ONECUT3: variants seen among roughly 807,000 people sequenced by gnomAD.
ONECUT3 encodes the protein one cut homeobox 3.
Under a neutral mutation model 16.8 loss-of-function variants are expected in ONECUT3, and 11 were observed. The observed-to-expected ratio is 0.66, with a 90% CI of 0.41 to 1.09. ONECUT3 has a LOEUF of 1.09. ONECUT3 is among the 50% of genes least tolerant of loss of function. The pLI is 0.00. For synonymous variants in ONECUT3, 344 were observed against 310.7 expected, an observed-to-expected ratio of 1.11 and a Z score of -1.13; for missense variants, 637 against 629.9, an observed-to-expected ratio of 1.01 and a Z score of -0.12.
rs1167581275 is a variant in ONECUT3 at position 1,754,438 on chromosome 19, T to G, written c.776T>G (p.Leu259Arg). 1.2e-5 allele frequency: 12 copies of G among 1,004,906 alleles called. No homozygotes were observed. In the African/African-American group the frequency reaches 1.9e-4, roughly 16 times the overall value. The allele number at this position is 1,004,906 out of a possible 1,614,324, so 62.2% of individuals were successfully genotyped here. A position where few individuals can be genotyped will look rare whatever the true frequency, so the allele number is the denominator to read the frequency against. Residue 259 changes from leucine to arginine, a missense_variant, in exon 1 of 2, where the codon CTG becomes CGG. Physicochemically the swap from Leu to Arg is moderately radical, Grantham distance 102. This residue lies in a region of ONECUT3 where 419 missense variants were observed against 377.9 expected (regional missense o/e 1.11). Coordinates refer to ENST00000382349, the MANE Select transcript of ONECUT3 (RefSeq NM_001080488.2). The surrounding 1 kb of genome is among the most constrained non-coding windows in gnomAD (Gnocchi z 7.4). ...AALLGRAEDA[L>R]ARGLPGGGGG... Reference sequence around the variant, plus strand: ...CTGCTGGGACGCGCGGAGGACGCACTGGCCCGCGGGCTGCCCGGAGGCGGC... The same window carrying G: ...CTGCTGGGACGCGCGGAGGACGCACGGGCCCGCGGGCTGCCCGGAGGCGGC...
At position 1,762,238 on chromosome 19, in the gene ONECUT3, GCCCGCCAGCCCTCCAA is replaced by G. The variant is rs1429677358; in HGVS notation, c.1192+7388_1192+7403del. ...GTGCCTTCCGCGCGCCCCCAGCTGCGCCCGCCAGCCCTCCAACCCTCCTGCCCTCCTGCCCTCCTGC... is the reference window on the plus strand; with the variant it reads ...GTGCCTTCCGCGCGCCCCCAGCTGCGCCCTCCTGCCCTCCTGCCCTCCTGC... On this transcript the variant is annotated intron_variant, in intron 1 of 1. Transcript: ENST00000382349. The surrounding 1 kb of genome is among the most constrained non-coding windows in gnomAD (Gnocchi z 4.4). Among the ~76,000 whole-genome samples, 1 of 152,092 alleles carries G rather than the reference GCCCGCCAGCCCTCCAA, an allele frequency of 6.6e-6. No individual in the cohort carries two copies. Among genetic ancestry groups the G allele is most frequent in the Non-Finnish European group, 1.5e-5 (1 of 68,008 alleles).
At chr19:1,757,065 A>C (rs1419954829) in intron 1 of ONECUT3, among the ~76,000 whole-genome samples, 1 of 146,684 alleles carries the variant, frequency 6.8e-6, no homozygotes. Context: ...GGAATTGCAG[A>C]TTTGGGGGCC....
intron 1 of ONECUT3, among the ~76,000 whole-genome samples, chr19:1,761,867 G>A (rs958822366): frequency 6.6e-6 from 1 of 152,204 alleles, no homozygotes; most frequent in Non-Finnish European, 1.5e-5. Flanking sequence ...AGTGTGGGCA[G>A]ATGTGGGGGG....
intron 1 of ONECUT3, among the ~76,000 whole-genome samples, chr19:1,769,672 G>A (rs561736030): frequency 1.3e-5 from 2 of 152,064 alleles, no homozygotes; most frequent in South Asian, 2.1e-4. Context: ...GCATCCAGGC[G>A]GCCCCCCTAC....
rs75707696 is a variant in ONECUT3 at position 1,762,414 on chromosome 19, C to T, written c.1192+7560C>T. ...CTAGTTGCGGGGCAGCAGGGGTCCACGCATTTCCAAGCGCCCTTTCCCGTC... is the reference window on the plus strand; with the variant it reads ...CTAGTTGCGGGGCAGCAGGGGTCCATGCATTTCCAAGCGCCCTTTCCCGTC... On this transcript the variant is annotated intron_variant, in intron 1 of 1. Coordinates refer to ENST00000382349, the MANE Select transcript of ONECUT3 (RefSeq NM_001080488.2). This position sits in a 1 kb window ranked among gnomAD's most constrained non-coding sequence, Gnocchi z 4.4. 0.017 allele frequency among the ~76,000 whole-genome samples: 2,574 copies of T among 152,332 alleles called. 33 individuals carry two copies. Among genetic ancestry groups the T allele is most frequent in the Non-Finnish European group, 0.025 (1,673 of 68,022 alleles).
At chr19:1,763,235 A>G (rs1466068794) in intron 1 of ONECUT3, among the ~76,000 whole-genome samples, 4 of 151,732 alleles carry the variant, frequency 2.6e-5, no homozygotes, top group Non-Finnish European at 5.9e-5. Flanking sequence ...GTGGTGGCAC[A>G]TGCCTGCAAT....
chr19:1,755,354 C>T lies in ONECUT3; in HGVS notation c.1192+500C>T, dbSNP rs1259079770. 6.6e-6 allele frequency among the ~76,000 whole-genome samples: 1 copy of T among 152,134 alleles called. No homozygotes were observed. The highest frequency in any genetic ancestry group is 1.5e-5 in the Non-Finnish European group (1 of 68,012). Reference sequence around the variant, plus strand: ...AGCTCCGAGACGTTGCGGCGGGCGCCTGCAGCTCAGCAGCAGAGGCCGAGC... The same window carrying T: ...AGCTCCGAGACGTTGCGGCGGGCGCTTGCAGCTCAGCAGCAGAGGCCGAGC... On this transcript the variant is annotated intron_variant, in intron 1 of 1. Transcript: ENST00000382349. The surrounding 1 kb of genome is among the most constrained non-coding windows in gnomAD (Gnocchi z 7.5).
At chr19:1,761,618 CAGG>C (rs1180643266) in intron 1 of ONECUT3, among the ~76,000 whole-genome samples, 1 of 152,168 alleles carries the variant, frequency 6.6e-6, no homozygotes, top group Non-Finnish European at 1.5e-5. Flanking sequence ...CTGAGCCGGG[CAGG>C]TAGCCCGGCT....
At position 1,778,098 on chromosome 19, in the gene ONECUT3, T is replaced by C. The variant is rs953379858; in HGVS notation, c.*2653T>C. On this transcript the variant is annotated 3_prime_UTR_variant, in exon 2 of 2. Coordinates refer to ENST00000382349, the MANE Select transcript of ONECUT3 (RefSeq NM_001080488.2). ...ACCAAGGTAGCCTATAGATATACAA[T>C]GTTTTAAATTTCTTTTTTAGAAACA... The C allele has an allele frequency of 2.0e-5, 3 of 151,060 alleles. No individual in the cohort carries two copies. The highest frequency in any genetic ancestry group is 2.9e-5 in the Non-Finnish European group (2 of 67,888). 9.4% of individuals were successfully genotyped at this position (151,060 alleles called of 1,614,324 possible). A position where few individuals can be genotyped will look rare whatever the true frequency, so the allele number is the denominator to read the frequency against.
chr19:1,774,362 C>A (rs1404975207), intron 1 of ONECUT3, among the ~76,000 whole-genome samples: 1 of 151,832 alleles, frequency 6.6e-6, no homozygotes, highest in Non-Finnish European at 1.5e-5. Flanking sequence ...CAGAGGATCA[C>A]TTGAGGCCAG....
In ONECUT3 at chr19:1,775,494, C is replaced by T. The variant is rs949197036; in HGVS notation, c.*49C>T. The T allele has an allele frequency of 7.1e-6, 10 of 1,412,198 alleles. No individual in the cohort carries two copies. The highest frequency in any genetic ancestry group is 5.7e-5 in the East Asian group (2 of 34,914). 87.5% of individuals were successfully genotyped at this position (1,412,198 alleles called of 1,614,324 possible). On this transcript the variant is annotated 3_prime_UTR_variant, in exon 2 of 2. Coordinates refer to ENST00000382349, the MANE Select transcript of ONECUT3 (RefSeq NM_001080488.2). ...CTGCCTCCACGGCCTGGGCGCTGTG[C>T]CCCCACGTCACCTCCCCACATCCTG...
intron 1 of ONECUT3, among the ~76,000 whole-genome samples, chr19:1,771,748 T>C (rs1162540003): frequency 6.6e-6 from 1 of 151,800 alleles, no homozygotes; most frequent in Non-Finnish European, 1.5e-5. Context: ...ATCATGATCA[T>C]AACTCACTGC....
At position 1,764,410 on chromosome 19, in the gene ONECUT3, CA is replaced by C. The variant is rs951762517; in HGVS notation, c.1192+9557del. 3.9e-5 allele frequency among the ~76,000 whole-genome samples: 6 copies of C among 152,140 alleles called. No homozygotes were observed. The highest frequency in any genetic ancestry group is 2.1e-4 in the South Asian group (1 of 4,828). On this transcript the variant is annotated intron_variant, in intron 1 of 1. Coordinates refer to ENST00000382349, the MANE Select transcript of ONECUT3 (RefSeq NM_001080488.2). This position sits in a 1 kb window ranked among gnomAD's most constrained non-coding sequence, Gnocchi z 5.0. ...GAAAATGCAGTCATTAAAATCCCAT[CA>C]GGGGAGGCTGGCGGGGAAAGCTGGA...
rs2068134193 is a variant in ONECUT3 at position 1,778,913 on chromosome 19, C to CACACACACACACACACA, written c.*3468_*3469insACACACACACACACACA. 1 of 149,208 alleles carries CACACACACACACACACA rather than the reference C, an allele frequency of 6.7e-6. No individual in the cohort carries two copies. The allele number at this position is 149,208 out of a possible 1,614,324, so 9.2% of individuals were successfully genotyped here. A position where few individuals can be genotyped will look rare whatever the true frequency, so the allele number is the denominator to read the frequency against. On this transcript the variant is annotated 3_prime_UTR_variant, in exon 2 of 2. Coordinates refer to ENST00000382349, the MANE Select transcript of ONECUT3 (RefSeq NM_001080488.2). ...ACACACACACACACACACACACACA[C>CACACACACACACACACA]CCCTACCTGTTTCCGGACCCCACCC... is the stretch of plus-strand genomic sequence containing the variant.
intron 1 of ONECUT3, among the ~76,000 whole-genome samples, chr19:1,757,637 C>G (rs1054835398): frequency 2.0e-5 from 3 of 152,162 alleles, no homozygotes; most frequent in Non-Finnish European, 4.4e-5. Flanking sequence ...CTCAGGTGCC[C>G]TGGGGGCCGC....
At chr19:1,771,304 A>C (rs2068052318) in intron 1 of ONECUT3, among the ~76,000 whole-genome samples, 1 of 152,030 alleles carries the variant, frequency 6.6e-6, no homozygotes, top group Non-Finnish European at 1.5e-5. Flanking sequence ...TCTGAATCCC[A>C]CACCATCCTT....
rs750907140 is a variant in ONECUT3, at chr19:1,777,133, T to G, written c.*1688T>G. ...TGAACCAAAGACGTGTATGGAGTGT[T>G]CTCTTGTCCTTATCGACTTGCTCTG... is the stretch of plus-strand genomic sequence containing the variant. On this transcript the variant is annotated 3_prime_UTR_variant, in exon 2 of 2. Transcript: ENST00000382349. 1.3e-5 allele frequency: 2 copies of G among 152,210 alleles called. No individual in the cohort carries two copies. The highest frequency in any genetic ancestry group is 2.9e-5 in the Non-Finnish European group (2 of 68,082). 9.4% of individuals were successfully genotyped at this position (152,210 alleles called of 1,614,324 possible). A position where few individuals can be genotyped will look rare whatever the true frequency, so the allele number is the denominator to read the frequency against.
At position 1,778,620 on chromosome 19, in the gene ONECUT3, A is replaced by G. The variant is rs2068130695; in HGVS notation, c.*3175A>G. The stretch of plus-strand genomic sequence containing the variant: ...CCTCCAGTTTTGTCCCCTGCTGGAA[A>G]TTTAGGACTTGGCTTGGGATCGTTC... On this transcript the variant is annotated 3_prime_UTR_variant, in exon 2 of 2. Coordinates refer to ENST00000382349, the MANE Select transcript of ONECUT3 (RefSeq NM_001080488.2). The G allele has an allele frequency of 1.3e-5, 2 of 151,726 alleles. No individual in the cohort carries two copies. The highest frequency in any genetic ancestry group is 4.8e-5 in the African/African-American group (2 of 41,278). 9.4% of individuals were successfully genotyped at this position (151,726 alleles called of 1,614,324 possible).
rs1319054774 is a variant in ONECUT3, at chr19:1,755,465, C to T, written c.1192+611C>T. On this transcript the variant is annotated intron_variant, in intron 1 of 1. Coordinates refer to ENST00000382349, the MANE Select transcript of ONECUT3 (RefSeq NM_001080488.2). The surrounding 1 kb of genome is among the most constrained non-coding windows in gnomAD (Gnocchi z 7.5). The stretch of plus-strand genomic sequence containing the variant: ...ATACCCCCTCCCTCTCCCCTCCGGC[C>T]GCTGGCAAAGGTCACCCGAGAATGG... 6.6e-6 allele frequency among the ~76,000 whole-genome samples: 1 copy of T among 152,112 alleles called. No homozygotes were observed. The highest frequency in any genetic ancestry group is 1.5e-5 in the Non-Finnish European group (1 of 68,000).
Sources: allele counts gnomAD v4.1 joint callset (sites outside exome capture counted in the v4.1 genomes callset), GRCh38; gene constraint gnomAD v4.1.1; regional missense constraint gnomAD v4.1.1; non-coding constraint Gnocchi (gnomAD v3.1); transcripts MANE v1.5; gene names NCBI Gene and HGNC (gene_info 2026-07-23, HGNC 2026-07-21).